The following KLHL20 variants were observed in gnomAD, a reference collection of about 807,000 sequenced individuals.
The protein encoded by KLHL20 is kelch-like protein 20.
A neutral mutation model predicts 69.5 loss-of-function variants in KLHL20; 29 were observed. The observed-to-expected ratio is 0.42, with a 90% CI of 0.31 to 0.57. The LOEUF (loss-of-function observed/expected upper bound fraction) is 0.57. Ranked by LOEUF, KLHL20 falls within the 20% of genes least tolerant of loss-of-function variation. The probability of loss-of-function intolerance (pLI) is 0.18; values close to 1 mark genes in which losing one functional copy is unlikely to be tolerated. For missense variants in KLHL20, 419 were observed against 776.0 expected (o/e 0.54, Z 5.47); for synonymous variants, 253 against 265.2 (o/e 0.95, Z 0.45).
At chr1:173,752,599 C>T (rs1225502400) in intron 4 of KLHL20, among the ~76,000 whole-genome samples, 1 of 152,190 alleles carries the variant, frequency 6.6e-6, no homozygotes, top group Non-Finnish European at 1.5e-5. Context: ...ATGCATCAGT[C>T]ATCACTGAGT....
intron 2 of KLHL20, 68 bp downstream of exon 2, chr1:173,716,134 TAA>T: frequency 6.8e-7 from 1 of 1,467,316 alleles, no homozygotes; most frequent in Non-Finnish European, 9.5e-7. Context: ...TTTAAATTTT[TAA>T]AAAAGAGTTT....
chr1:173,734,324 G>A (rs747591773), intron 3 of KLHL20, 38 bp downstream of exon 3: 3 of 1,566,788 alleles, frequency 1.9e-6, no homozygotes, highest in Non-Finnish European at 2.6e-6. Context: ...CCCATTTGTT[G>A]GAGAGCAATA....
In KLHL20 at chr1:173,719,100, G is replaced by A. The variant is rs561359575; in HGVS notation, c.23+3034G>A. Among the ~76,000 whole-genome samples the A allele has an allele frequency of 1.3e-4, 6 of 45,834 alleles. 1 individual carries two copies. Among genetic ancestry groups the A allele is most frequent in the South Asian group, 4.7e-4 (1 of 2,146 alleles). 30.1% of individuals were successfully genotyped at this position (45,834 alleles called of 152,430 possible). On this transcript the variant is annotated intron_variant, in intron 2 of 11. Transcript: ENST00000209884. ...GGCCTGGGCTAAACAGCGGGACTCC[G>A]TCTCAAAAAAAAAAAGAAAAATTAT... is the stretch of plus-strand genomic sequence containing the variant.
chr1:173,737,447 C>T (rs1409611791), intron 3 of KLHL20, among the ~76,000 whole-genome samples: 2 of 152,154 alleles, frequency 1.3e-5, no homozygotes, highest in Non-Finnish European at 2.9e-5. Flanking sequence ...TGTGGCTTGC[C>T]AATTATCCCA....
At chr1:173,746,575 A>G (rs1673068638) in intron 3 of KLHL20, among the ~76,000 whole-genome samples, 1 of 152,030 alleles carries the variant, frequency 6.6e-6, no homozygotes, top group Admixed American at 6.6e-5. Context: ...TAATTTTTAA[A>G]TTTCTGTAGC....
chr1:173,734,334 AT>A (rs769524093), intron 3 of KLHL20, 48 bp downstream of exon 3: 2 of 1,483,218 alleles, frequency 1.3e-6, no homozygotes, highest in Admixed American at 3.4e-5. Context: ...GGAGAGCAAT[AT>A]GGGTTCACAT....
At chr1:173,767,760 A>G (rs565222985) in intron 8 of KLHL20, among the ~76,000 whole-genome samples, 2 of 152,160 alleles carry the variant, frequency 1.3e-5, no homozygotes, top group South Asian at 4.1e-4. Context: ...TGAATTGTTT[A>G]AGTTCCTTAT....
intron 11 of KLHL20, among the ~76,000 whole-genome samples, chr1:173,782,467 G>GA (rs1374965473): frequency 6.6e-6 from 1 of 151,230 alleles, no homozygotes; most frequent in Non-Finnish European, 1.5e-5. Context: ...GTAAAATAGG[G>GA]AAAAAAAATC....
intron 7 of KLHL20, among the ~76,000 whole-genome samples, chr1:173,765,502 C>CA (rs533264382): frequency 0.017 from 2,119 of 127,574 alleles, 49 homozygotes; most frequent in African/African-American, 0.052. Flanking sequence ...GACTCCGTCT[C>CA]AAAAAAAAAA....
intron 5 of KLHL20, among the ~76,000 whole-genome samples, chr1:173,755,302 C>G (rs183879195): frequency 6.6e-6 from 1 of 152,048 alleles, no homozygotes; most frequent in Non-Finnish European, 1.5e-5. Flanking sequence ...CATGATCCAC[C>G]GCCCCTCAGC....
At chr1:173,729,162 G>C (rs911651150) in intron 2 of KLHL20, among the ~76,000 whole-genome samples, 1 of 152,100 alleles carries the variant, frequency 6.6e-6, no homozygotes, top group Non-Finnish European at 1.5e-5. Flanking sequence ...ACCCTCCCTA[G>C]ACTAAACCAG....
At chr1:173,765,004 C>A (rs1174652771) in intron 7 of KLHL20, among the ~76,000 whole-genome samples, 3 of 151,996 alleles carry the variant, frequency 2.0e-5, no homozygotes, top group Non-Finnish European at 2.9e-5. Context: ...TAAGGTGGTA[C>A]CCAGGGGCAA....
chr1:173,774,313 C>T lies in KLHL20; in HGVS notation c.1304C>T (p.Pro435Leu), dbSNP rs1244081094. ...SCLNIVERYD[P>L]KENKWTRVAS... ...GGTTTCCCTCACTGCAGGTATGATC[C>T]GAAGGAGAACAAGTGGACTCGGGTA... Residue 435 changes from proline to leucine, a missense_variant, in exon 9 of 12, where the codon CCG becomes CTG. Transcript: ENST00000209884. 6.2e-6 allele frequency: 10 copies of T among 1,613,920 alleles called. No homozygotes were observed. Among genetic ancestry groups the T allele is most frequent in the Non-Finnish European group, 8.5e-6 (10 of 1,180,004 alleles).
At chr1:173,723,485 C>G (rs1046552308) in intron 2 of KLHL20, among the ~76,000 whole-genome samples, 1 of 152,234 alleles carries the variant, frequency 6.6e-6, no homozygotes, top group African/African-American at 2.4e-5. Flanking sequence ...AATGCACATG[C>G]AATTTCTTCT....
intron 2 of KLHL20, among the ~76,000 whole-genome samples, chr1:173,723,764 A>T (rs1671820944): frequency 6.6e-6 from 1 of 152,202 alleles, no homozygotes; most frequent in Admixed American, 6.5e-5. Flanking sequence ...CTTTTGGAAG[A>T]ATTTTCCATC....
chr1:173,773,285 T>A (rs1262249120), intron 8 of KLHL20, among the ~76,000 whole-genome samples: 2 of 151,048 alleles, frequency 1.3e-5, no homozygotes, highest in Non-Finnish European at 3.0e-5. Flanking sequence ...TTTTTTTTTA[T>A]CTTTTTTTTA....
chr1:173,773,191 C>T (rs1334312956), intron 8 of KLHL20, among the ~76,000 whole-genome samples: 3 of 151,518 alleles, frequency 2.0e-5, no homozygotes, highest in Non-Finnish European at 4.4e-5. Context: ...GTCTTGAACT[C>T]GAACTTGTGG....
intron 8 of KLHL20, among the ~76,000 whole-genome samples, chr1:173,770,560 G>C (rs1054981927): frequency 6.6e-6 from 1 of 151,852 alleles, no homozygotes; most frequent in Non-Finnish European, 1.5e-5. Flanking sequence ...AGCCGGATGT[G>C]GTGGCAGGCA....
At chr1:173,744,094 T>C (rs868277274) in intron 3 of KLHL20, among the ~76,000 whole-genome samples, 11 of 152,144 alleles carry the variant, frequency 7.2e-5, no homozygotes, top group Middle Eastern at 3.2e-3. Flanking sequence ...TCCATGGGGA[T>C]TGAATCATTC....
Sources: gnomAD v4.1 joint callset for allele counts (sites outside exome capture counted in the v4.1 genomes callset) on GRCh38, gnomAD v4.1.1 for gene constraint, MANE v1.5 for transcripts, NCBI Gene and HGNC (gene_info 2026-07-23, HGNC 2026-07-21) for gene names.